SYN2: variants seen among roughly 807,000 people sequenced by gnomAD.
SYN2 encodes the protein synapsin II, also known as synapsin-2.
Under a neutral mutation model 50.9 loss-of-function variants are expected in SYN2, and 19 were observed. The ratio of observed to expected loss-of-function variants is 0.37; its 90% CI spans 0.26 to 0.55. The LOEUF is 0.55. Ranked by LOEUF, SYN2 falls within the 20% of genes least tolerant of loss-of-function variation. The probability of loss-of-function intolerance (pLI) is 0.81; values close to 1 mark genes in which losing one functional copy is unlikely to be tolerated. For synonymous variants in SYN2, 255 were observed against 224.9 expected (o/e 1.13, Z -1.20); for missense variants, 587 against 576.4 (o/e 1.02, Z -0.19).
intron 12 of SYN2, among the ~76,000 whole-genome samples, chr3:12,188,833 T>A (rs1304311581): frequency 6.6e-6 from 1 of 152,088 alleles, no homozygotes; most frequent in Non-Finnish European, 1.5e-5. Context: ...CCTGCTGACT[T>A]TTTTTTAATC....
Position 12,190,460 on chromosome 3 carries a change from C to T in SYN2, c.1614-30C>T, listed in dbSNP as rs1392535454. ...CCTGCCTTGCTGGGAACACCACCCT[C>T]TCACATTCTCTCTGGTTTTTATCTT... On this transcript the variant is annotated intron_variant, in intron 12 of 12. Transcript: ENST00000621198. The T allele has an allele frequency of 5.0e-6, 8 of 1,613,182 alleles. No individual in the cohort carries two copies. The Admixed American group carries it at 1.2e-4, about 24-fold the overall frequency.
chr3:12,057,323 GTA>G (rs879365970), intron 1 of SYN2, among the ~76,000 whole-genome samples: 4,135 of 142,138 alleles, frequency 0.029, 90 homozygotes, highest in Middle Eastern at 0.089. Context: ...GTGTGTGTGT[GTA>G]TACTTTTTGA....
chr3:12,191,036 C>T lies in SYN2; in HGVS notation c.*411C>T. 1 of 994,448 alleles carries T rather than the reference C, an allele frequency of 1.0e-6. No individual in the cohort carries two copies. Among genetic ancestry groups the T allele is most frequent in the Non-Finnish European group, 1.2e-6 (1 of 836,212 alleles). 61.6% of individuals were successfully genotyped at this position (994,448 alleles called of 1,614,324 possible). On this transcript the variant is annotated 3_prime_UTR_variant, in exon 13 of 13. Transcript: ENST00000621198. ...CATGCCCCGCCCCCATTCAGTGATA[C>T]CTGTTTGGGAAGTATATACTTCCCC...
intron 1 of SYN2, among the ~76,000 whole-genome samples, chr3:12,107,767 A>G (rs1022046670): frequency 6.6e-6 from 1 of 152,108 alleles, no homozygotes; most frequent in Non-Finnish European, 1.5e-5. Flanking sequence ...AAGAGGAGCA[A>G]TATGACTTAC....
intron 1 of SYN2, among the ~76,000 whole-genome samples, chr3:12,069,993 C>T (rs1457433130): frequency 1.3e-5 from 2 of 151,910 alleles, no homozygotes; most frequent in Admixed American, 6.6e-5. Flanking sequence ...GATATGAGGT[C>T]TTGCAGTGTT....
chr3:12,167,168 G>A (rs1697820314), intron 7 of SYN2, 66 bp from the exon 8 acceptor site: 9 of 1,533,780 alleles, frequency 5.9e-6, no homozygotes, highest in Middle Eastern at 1.7e-4. Flanking sequence ...ATTCTGGAAA[G>A]TTGCATGCCC....
chr3:12,035,919 C>CT (rs1651808590), intron 1 of SYN2, among the ~76,000 whole-genome samples: 1 of 152,090 alleles, frequency 6.6e-6, no homozygotes, highest in South Asian at 2.1e-4. Context: ...TTGAAAACAA[C>CT]TAAGGACATA....
intron 1 of SYN2, among the ~76,000 whole-genome samples, chr3:12,044,999 T>G (rs1389319590): frequency 6.6e-6 from 1 of 152,192 alleles, no homozygotes; most frequent in African/African-American, 2.4e-5. Flanking sequence ...CCCAAGGTCA[T>G]GCAGCTAAGA....
At chr3:12,121,632 A>C in intron 1 of SYN2, among the ~76,000 whole-genome samples, 1 of 150,644 alleles carries the variant, frequency 6.6e-6, no homozygotes, top group Non-Finnish European at 1.5e-5. Flanking sequence ...GGAGGAAAGA[A>C]AGAAAGGGAA....
rs1444667566 is a variant in SYN2, at chr3:12,004,434, C to T, written c.-118C>T. The T allele has an allele frequency of 2.1e-5, 6 of 286,766 alleles. No individual in the cohort carries two copies. Among genetic ancestry groups the T allele is most frequent in the Non-Finnish European group, 4.1e-5 (6 of 147,640 alleles). 17.8% of individuals were successfully genotyped at this position (286,766 alleles called of 1,614,324 possible). Reference sequence around the variant, plus strand: ...GGGTCTGGTGCCGGGGCCTGAGTCTCTGCTGGCTAAGCCGCCGCCTCAGCC... The same window carrying T: ...GGGTCTGGTGCCGGGGCCTGAGTCTTTGCTGGCTAAGCCGCCGCCTCAGCC... On this transcript the variant is annotated 5_prime_UTR_variant, in exon 1 of 13. Coordinates refer to ENST00000621198, the MANE Select transcript of SYN2 (RefSeq NM_133625.6).
intron 7 of SYN2, among the ~76,000 whole-genome samples, chr3:12,162,485 T>C (rs1158717041): frequency 2.6e-5 from 4 of 152,256 alleles, no homozygotes; most frequent in Non-Finnish European, 4.4e-5. Context: ...CACATATCTC[T>C]ATGGATTATT....
chr3:12,099,841 T>C (rs1696027859), intron 1 of SYN2, among the ~76,000 whole-genome samples: 1 of 150,908 alleles, frequency 6.6e-6, no homozygotes, highest in Non-Finnish European at 1.5e-5. Flanking sequence ...GGCGGGCGCC[T>C]GTAGTCCCAG....
rs142057379 is a variant in SYN2 at position 12,086,660 on chromosome 3, C to G, written c.378-53991C>G. Among the ~76,000 whole-genome samples the G allele has an allele frequency of 3.3e-3, 500 of 152,270 alleles. 1 individual carries two copies. The highest frequency in any genetic ancestry group is 0.017 in the Middle Eastern group (5 of 294). On this transcript the variant is annotated intron_variant, in intron 1 of 12. Coordinates refer to ENST00000621198, the MANE Select transcript of SYN2 (RefSeq NM_133625.6). ...ATGCAAAAAAGCATTTGACAAAATT[C>G]AACTTCCTTTCTTGATAAAAACTTT... is the stretch of plus-strand genomic sequence containing the variant.
intron 1 of SYN2, among the ~76,000 whole-genome samples, chr3:12,111,439 G>A (rs1696314447): frequency 6.6e-6 from 1 of 152,028 alleles, no homozygotes. Context: ...ACTTAGCATG[G>A]TATCTGTCAT....
At chr3:12,135,996 C>T (rs1696886478) in intron 1 of SYN2, among the ~76,000 whole-genome samples, 1 of 152,190 alleles carries the variant, frequency 6.6e-6, no homozygotes, top group Non-Finnish European at 1.5e-5. Flanking sequence ...ATCATCCCTG[C>T]TCTGAAGCAT....
intron 8 of SYN2, among the ~76,000 whole-genome samples, chr3:12,168,072 A>G (rs1697845525): frequency 3.3e-5 from 5 of 152,196 alleles, no homozygotes. Context: ...CTAACAGCCT[A>G]TGGGAAAAGA....
At chr3:12,069,232 A>C (rs1695285704) in intron 1 of SYN2, among the ~76,000 whole-genome samples, 1 of 139,004 alleles carries the variant, frequency 7.2e-6, no homozygotes, top group Non-Finnish European at 1.5e-5. Flanking sequence ...ATTTGTGTAC[A>C]AATTGTATGA....
chr3:12,155,752 G>C (rs557749492), intron 5 of SYN2, among the ~76,000 whole-genome samples: 33 of 152,284 alleles, frequency 2.2e-4, no homozygotes, highest in South Asian at 4.1e-4. Context: ...CTGAAGGCAG[G>C]GAACATGTTT....
rs1172836005 is a variant in SYN2, at chr3:12,170,922, A to G, written c.1308+1016A>G. 1.3e-5 allele frequency among the ~76,000 whole-genome samples: 2 copies of G among 152,248 alleles called. 1 individual carries two copies. Among genetic ancestry groups the G allele is most frequent in the East Asian group, 3.8e-4 (2 of 5,200 alleles). ...TAGCTTCGTGACCAGCACATAAAACAGTGTAACAATTGATAAGTCAGTTCC... is the reference window on the plus strand; with the variant it reads ...TAGCTTCGTGACCAGCACATAAAACGGTGTAACAATTGATAAGTCAGTTCC... On this transcript the variant is annotated intron_variant, in intron 10 of 12. Coordinates refer to ENST00000621198, the MANE Select transcript of SYN2 (RefSeq NM_133625.6).
Sources: allele counts gnomAD v4.1 joint callset (sites outside exome capture counted in the v4.1 genomes callset), GRCh38; gene constraint gnomAD v4.1.1; transcripts MANE v1.5; gene names NCBI Gene and HGNC (gene_info 2026-07-23, HGNC 2026-07-21).